The following TNIK variants were observed in gnomAD, a reference collection of about 807,000 sequenced individuals.
TNIK encodes TRAF2 and NCK-interacting protein kinase.
A neutral mutation model predicts 191.3 loss-of-function variants in TNIK; 49 were observed. That is an observed-to-expected ratio of 0.26 (90% confidence interval 0.20 to 0.32). TNIK has a LOEUF of 0.32. TNIK is among the 10% of genes least tolerant of loss of function. The pLI is 1.00. For missense variants in TNIK, 1,155 were observed against 1,702.3 expected (o/e 0.68, Z 5.66); for synonymous variants, 594 against 600.9 (o/e 0.99, Z 0.17).
At chr3:171,162,196 C>T (rs113979496) in intron 10 of TNIK, among the ~76,000 whole-genome samples, 5,636 of 152,004 alleles carry the variant, frequency 0.037, 164 homozygotes, top group Non-Finnish European at 0.054. Flanking sequence ...CCAAGGTGGG[C>T]GGATCATGAG....
chr3:171,156,474 G>A (rs2108708176), intron 12 of TNIK, among the ~76,000 whole-genome samples: 1 of 152,356 alleles, frequency 6.6e-6, no homozygotes, highest in South Asian at 2.1e-4. Flanking sequence ...CGGGAAACCT[G>A]TAAAATTACT....
At chr3:171,154,294 A>C (rs1194955096) in intron 12 of TNIK, among the ~76,000 whole-genome samples, 1 of 152,128 alleles carries the variant, frequency 6.6e-6, no homozygotes, top group Non-Finnish European at 1.5e-5. Flanking sequence ...GATGGAGCCA[A>C]AGTGTATATT....
intron 10 of TNIK, among the ~76,000 whole-genome samples, chr3:171,165,532 TCACCGCCCC>T (rs1734508580): frequency 6.6e-6 from 1 of 151,922 alleles, no homozygotes. Flanking sequence ...TTCATACTGC[TCACCGCCCC>T]CACCGCTAGT....
chr3:171,424,408 G>A (rs1023818700), intron 1 of TNIK, among the ~76,000 whole-genome samples: 1 of 152,156 alleles, frequency 6.6e-6, no homozygotes, highest in African/African-American at 2.4e-5. Flanking sequence ...GTTCAACCAT[G>A]GTGGAAGTCG....
chr3:171,138,058 A>G (rs1560166866), intron 15 of TNIK, 133 bp downstream of exon 15: 1 of 779,028 alleles, frequency 1.3e-6, no homozygotes, highest in Non-Finnish European at 1.8e-6. Context: ...AGTTCTTGCA[A>G]AAGCAAAGCA....
chr3:171,430,310 G>C (rs1725206511), intron 1 of TNIK, among the ~76,000 whole-genome samples: 1 of 151,930 alleles, frequency 6.6e-6, no homozygotes, highest in Admixed American at 6.6e-5. Context: ...ATGCCTTTAC[G>C]CTAAACAATG....
chr3:171,193,297 CT>C (rs1738282572), intron 5 of TNIK, among the ~76,000 whole-genome samples: 1 of 152,124 alleles, frequency 6.6e-6, no homozygotes, highest in South Asian at 2.1e-4. Flanking sequence ...ATTCTTGGCC[CT>C]TTGCATTTCT....
In TNIK at chr3:171,058,928, G is replaced by A. The variant is rs1215083134; in HGVS notation, c.*4953C>T. Among the ~76,000 whole-genome samples, 1 of 152,140 alleles carries A rather than the reference G, an allele frequency of 6.6e-6. No individual in the cohort carries two copies. The highest frequency in any genetic ancestry group is 2.4e-5 in the African/African-American group (1 of 41,424). On this transcript the variant is annotated 3_prime_UTR_variant, in exon 33 of 33. Coordinates refer to ENST00000436636, the MANE Select transcript of TNIK (RefSeq NM_015028.4). ...GTTTTGATTCAGGGTAATGTCCAAGGTTTCTTAAACATACCATAATAAGTA... is the reference window on the plus strand; with the variant it reads ...GTTTTGATTCAGGGTAATGTCCAAGATTTCTTAAACATACCATAATAAGTA...
intron 2 of TNIK, among the ~76,000 whole-genome samples, chr3:171,278,638 T>A (rs1560362913): frequency 1.3e-5 from 2 of 152,194 alleles, no homozygotes; most frequent in Non-Finnish European, 1.5e-5. Flanking sequence ...AAGTAAGTGA[T>A]AGTCTGCTAA....
At chr3:171,201,711 T>C (rs994760302) in intron 4 of TNIK, among the ~76,000 whole-genome samples, 3 of 152,242 alleles carry the variant, frequency 2.0e-5, no homozygotes, top group Admixed American at 6.5e-5. Flanking sequence ...ACATGTATCA[T>C]TTCAATCAAT....
chr3:171,407,398 A>T (rs1202057594), intron 1 of TNIK, among the ~76,000 whole-genome samples: 1 of 152,240 alleles, frequency 6.6e-6, no homozygotes, highest in African/African-American at 2.4e-5. Flanking sequence ...TGTAAAATAG[A>T]AATTGCCTTG....
intron 28 of TNIK, among the ~76,000 whole-genome samples, chr3:171,073,513 A>C (rs1604035): frequency 0.18 from 27,098 of 152,114 alleles, 3,721 homozygotes; most frequent in African/African-American, 0.39. Context: ...AAAACAAAAA[A>C]AGACAAATGG....
rs145213050 is a variant in TNIK at position 171,411,601 on chromosome 3, C to A, written c.58-41916G>T. Among the ~76,000 whole-genome samples, 257 of 152,170 alleles carry A rather than the reference C, an allele frequency of 1.7e-3. 2 individuals carry two copies. Among genetic ancestry groups the A allele is most frequent in the African/African-American group, 5.6e-3 (232 of 41,504 alleles). On this transcript the variant is annotated intron_variant, in intron 1 of 32. Coordinates refer to ENST00000436636, the MANE Select transcript of TNIK (RefSeq NM_015028.4). ...CACCTTTTTATACTGGTCTTCCAAG[C>A]GGAAATGAATAGATAATTATGCAGT...
At chr3:171,199,656 C>T (rs1346272647) in intron 4 of TNIK, among the ~76,000 whole-genome samples, 1 of 152,222 alleles carries the variant, frequency 6.6e-6, no homozygotes, top group Admixed American at 6.5e-5. Flanking sequence ...ACGTTGCTCT[C>T]TCAATTACTA....
intron 2 of TNIK, among the ~76,000 whole-genome samples, chr3:171,278,553 G>A (rs1482918885): frequency 2.6e-5 from 4 of 152,134 alleles, no homozygotes; most frequent in Non-Finnish European, 4.4e-5. Flanking sequence ...CATGACCTTG[G>A]TCTTTCTCAT....
At chr3:171,369,478 A>C (rs1169737829) in intron 2 of TNIK, 142 bp downstream of exon 2, 2 of 533,168 alleles carry the variant, frequency 3.8e-6, no homozygotes, top group East Asian at 6.0e-5. Context: ...TATATTTTAA[A>C]AGATGGAGAG....
At chr3:171,173,431 C>T (rs1735590568) in intron 9 of TNIK, among the ~76,000 whole-genome samples, 1 of 150,120 alleles carries the variant, frequency 6.7e-6, no homozygotes, top group South Asian at 2.1e-4. Flanking sequence ...GAAAAGAAAA[C>T]AGGAGATGTA....
chr3:171,394,879 A>T (rs770987296), intron 1 of TNIK, among the ~76,000 whole-genome samples: 5 of 152,218 alleles, frequency 3.3e-5, no homozygotes, highest in Non-Finnish European at 7.3e-5. Flanking sequence ...GATTGGCAAA[A>T]CAGTCTCGCA....
At chr3:171,094,891 A>G (rs867737716) in intron 22 of TNIK, among the ~76,000 whole-genome samples, 1 of 152,062 alleles carries the variant, frequency 6.6e-6, no homozygotes, top group Admixed American at 6.5e-5. Context: ...TTGTGATGGC[A>G]GAGTCCTTGT....
Sources: gnomAD v4.1 joint callset for allele counts (sites outside exome capture counted in the v4.1 genomes callset) on GRCh38, gnomAD v4.1.1 for gene constraint, MANE v1.5 for transcripts, NCBI Gene and HGNC (gene_info 2026-07-23, HGNC 2026-07-21) for gene names.